ROPN1: variants seen among roughly 807,000 people sequenced by gnomAD.
ROPN1 encodes rhophilin associated tail protein 1.
Under a neutral mutation model 20.5 loss-of-function variants are expected in ROPN1, and 14 were observed. That is an observed-to-expected ratio of 0.68 (90% CI 0.45 to 1.07). The LOEUF is 1.07. ROPN1 is among the 50% of genes least tolerant of loss of function. ROPN1 has a pLI of 0.00. For missense variants in ROPN1, 169 were observed against 242.8 expected, an observed-to-expected ratio of 0.70 and a Z score of 2.02; for synonymous variants, 76 against 95.7, an observed-to-expected ratio of 0.79 and a Z score of 1.20.
At chr3:123,984,697 G>A (rs145504230) in intron 1 of ROPN1, among the ~76,000 whole-genome samples, 15 of 151,862 alleles carry the variant, frequency 9.9e-5, no homozygotes, top group Non-Finnish European at 1.5e-4. Flanking sequence ...AAAATTTTCC[G>A]CTACTCTTTA....
intron 4 of ROPN1, among the ~76,000 whole-genome samples, chr3:123,970,710 A>T (rs2037899354): frequency 6.6e-6 from 1 of 152,206 alleles, no homozygotes; most frequent in African/African-American, 2.4e-5. Context: ...TCCCAGGAAG[A>T]TACTGGAAAA....
chr3:123,972,796 A>T (rs904459503), intron 4 of ROPN1, among the ~76,000 whole-genome samples: 2 of 152,222 alleles, frequency 1.3e-5, no homozygotes, highest in African/African-American at 2.4e-5. Context: ...GCTTGCCTCT[A>T]AGGATATATG....
chr3:123,987,280 A>G (rs1264680631), intron 1 of ROPN1, among the ~76,000 whole-genome samples: 1 of 152,140 alleles, frequency 6.6e-6, no homozygotes, highest in Non-Finnish European at 1.5e-5. Context: ...GTTCCCCCAG[A>G]GCTGTTGTGG....
intron 1 of ROPN1, among the ~76,000 whole-genome samples, chr3:123,983,496 C>T (rs540008934): frequency 8.3e-4 from 127 of 152,274 alleles, no homozygotes; most frequent in African/African-American, 2.8e-3. Context: ...GCTTCCATGA[C>T]AACAGTAACA....
intron 1 of ROPN1, 137 bp from the exon 2 acceptor site, chr3:123,980,630 T>A (rs1170270554): frequency 1.5e-6 from 1 of 660,346 alleles, no homozygotes; most frequent in Non-Finnish European, 2.5e-6. Context: ...ATTCTATTAT[T>A]ACACAACGCC....
Position 123,976,946 on chromosome 3 carries a change from G to A in ROPN1, c.152C>T (p.Pro51Leu), listed in dbSNP as rs777795851. The A allele has an allele frequency of 2.2e-5, 35 of 1,614,102 alleles. No homozygotes were observed. Among genetic ancestry groups the A allele is most frequent in the Middle Eastern group, 1.6e-4 (1 of 6,062 alleles). Residue 51 changes from proline (P) to leucine (L), a missense_variant, in exon 3 of 6, where the codon CCG becomes CTG. Around this residue, in one of 3 missense-constraint regions of ROPN1, gnomAD observed 84 missense variants for 99.3 expected, o/e 0.85. Coordinates refer to ENST00000405845, the MANE Select transcript of ROPN1 (RefSeq NM_001317774.2). ...GACTCGCTCAGACCGCTCTCTCACC[G>A]GAGGCGTCTCTCCACGGGACAGGGC... ...FEALSRGETP[P>L]VRERSERVAL...
intron 2 of ROPN1, chr3:123,979,828 G>T (rs182808158): frequency 5.7e-6 from 2 of 351,594 alleles, no homozygotes; most frequent in Admixed American, 8.4e-5. Flanking sequence ...AGATATAAAG[G>T]GTCTTTGGTT....
chr3:123,975,005 T>C (rs2148992303), intron 4 of ROPN1: 1 of 331,584 alleles, frequency 3.0e-6, no homozygotes, highest in East Asian at 7.3e-5. Flanking sequence ...TTTTAAACAG[T>C]GTCTATTGAT....
chr3:123,970,044 T>C lies in ROPN1; in HGVS notation c.570A>G (p.Glu190=), dbSNP rs1355559229. ...VSRMLNYMEQ[E]VIGPDGIITV... is the part of the protein sequence containing the mutation. ...CCACTTGACAAAAGTTAACTTACAC[T>C]TCCTGTTCCATGTAGTTTAGCATCC... is the stretch of plus-strand genomic sequence containing the variant. The change falls in exon 5 of 6, where the codon GAA becomes GAG. Residue 190 remains glutamate (E), a splice_region_variant and synonymous_variant. Coordinates refer to ENST00000405845, the MANE Select transcript of ROPN1 (RefSeq NM_001317774.2). 6.2e-7 allele frequency: 1 copy of C among 1,613,562 alleles called. No homozygotes were observed.
intron 2 of ROPN1, 87 bp from the exon 3 acceptor site, chr3:123,977,068 G>A (rs1422459453): frequency 7.2e-7 from 1 of 1,379,870 alleles, no homozygotes; most frequent in East Asian, 2.4e-5. Context: ...TTCTTCTGAG[G>A]GAAGGAGGTA....
chr3:123,970,313 T>C, intron 4 of ROPN1, 96 bp from the exon 5 acceptor site: 1 of 1,110,724 alleles, frequency 9.0e-7, no homozygotes, highest in East Asian at 2.5e-5. Context: ...AATATTGCTC[T>C]TATAAAATGA....
At chr3:123,979,461 G>T (rs1372083203) in intron 2 of ROPN1, 1 of 356,398 alleles carries the variant, frequency 2.8e-6, no homozygotes, top group East Asian at 7.4e-5. Flanking sequence ...AAAATGGTCC[G>T]TGAGGTCTAG....
At chr3:123,982,606 A>G (rs1029781640) in intron 1 of ROPN1, among the ~76,000 whole-genome samples, 3 of 152,174 alleles carry the variant, frequency 2.0e-5, no homozygotes, top group Non-Finnish European at 4.4e-5. Flanking sequence ...GAAATATTTC[A>G]TCATTTAAAA....
intron 5 of ROPN1, among the ~76,000 whole-genome samples, chr3:123,969,448 C>T (rs989380266): frequency 6.6e-6 from 1 of 152,060 alleles, no homozygotes; most frequent in African/African-American, 2.4e-5. Context: ...AGCTATTCTC[C>T]CAATTAACTG....
chr3:123,980,056 G>A (rs3732482), intron 2 of ROPN1: 37,588 of 506,222 alleles, frequency 0.074, 5,000 homozygotes, highest in East Asian at 0.34. Flanking sequence ...GGCGTGCAGG[G>A]AGGAGGTGGG....
intron 1 of ROPN1, among the ~76,000 whole-genome samples, chr3:123,982,772 A>G (rs1577372071): frequency 6.6e-6 from 1 of 152,184 alleles, no homozygotes; most frequent in Non-Finnish European, 1.5e-5. Context: ...GTTCAGTGTC[A>G]TTAAGTACAT....
At chr3:123,988,055 C>T (rs768871631) in intron 1 of ROPN1, among the ~76,000 whole-genome samples, 4 of 152,112 alleles carry the variant, frequency 2.6e-5, no homozygotes, top group Non-Finnish European at 5.9e-5. Flanking sequence ...ACTTGGGTCA[C>T]CTTAGCCCTG....
In ROPN1 at chr3:123,969,041, T is replaced by G; in HGVS notation, c.*114A>C. 3.6e-6 allele frequency: 3 copies of G among 822,480 alleles called. No individual in the cohort carries two copies. The highest frequency in any genetic ancestry group is 6.3e-6 in the Non-Finnish European group (3 of 476,662). 50.9% of individuals were successfully genotyped at this position (822,480 alleles called of 1,614,324 possible). A position where few individuals can be genotyped will look rare whatever the true frequency, so the allele number is the denominator to read the frequency against. ...TTCTGATCTCATATGTTTAATTGTTTATTAGTGTGTACCAGTTGTACAAGA... is the reference window on the plus strand; with the variant it reads ...TTCTGATCTCATATGTTTAATTGTTGATTAGTGTGTACCAGTTGTACAAGA... On this transcript the variant is annotated 3_prime_UTR_variant, in exon 6 of 6. Coordinates refer to ENST00000405845, the MANE Select transcript of ROPN1 (RefSeq NM_001317774.2).
chr3:123,987,378 C>A (rs1429100471), intron 1 of ROPN1, among the ~76,000 whole-genome samples: 2 of 152,202 alleles, frequency 1.3e-5, no homozygotes, highest in African/African-American at 4.8e-5. Flanking sequence ...TTCCCTCTGT[C>A]CACTGTCTGT....
Sources: gnomAD v4.1 joint callset for allele counts (sites outside exome capture counted in the v4.1 genomes callset) on GRCh38, gnomAD v4.1.1 for gene constraint, gnomAD v4.1.1 regional missense constraint, MANE v1.5 for transcripts, NCBI Gene and HGNC (gene_info 2026-07-23, HGNC 2026-07-21) for gene names.